SUCLG2: variants seen among roughly 807,000 people sequenced by gnomAD.
SUCLG2 encodes succinate-CoA ligase GDP-forming subunit beta.
SUCLG2 carries 42 observed loss-of-function variants against 47.9 expected under a neutral mutation model. That is an observed-to-expected ratio of 0.88 (90% CI 0.69 to 1.14). The LOEUF (loss-of-function observed/expected upper bound fraction) is 1.14, where lower values mean the gene tolerates loss of function less well. Among genes scored for constraint, SUCLG2 ranks in the 50% most tolerant of loss-of-function variants. The pLI, the probability that SUCLG2 is intolerant of heterozygous loss-of-function variation, is 0.00. For synonymous variants in SUCLG2, 195 were observed against 197.3 expected (o/e 0.99, Z 0.10); for missense variants, 571 against 525.9 (o/e 1.09, Z -0.84).
intron 2 of SUCLG2, among the ~76,000 whole-genome samples, chr3:67,565,435 A>G (rs922417443): frequency 6.6e-6 from 1 of 152,224 alleles, no homozygotes; most frequent in Non-Finnish European, 1.5e-5. Flanking sequence ...GTATAACCCA[A>G]TATTAGCTAT....
At chr3:67,606,771 A>T (rs945588474) in intron 2 of SUCLG2, among the ~76,000 whole-genome samples, 1 of 152,212 alleles carries the variant, frequency 6.6e-6, no homozygotes, top group African/African-American at 2.4e-5. Flanking sequence ...GAAAGTCACA[A>T]ATTAATTTCT....
chr3:67,423,432 T>C (rs1703221130), intron 9 of SUCLG2, among the ~76,000 whole-genome samples: 1 of 152,204 alleles, frequency 6.6e-6, no homozygotes, highest in African/African-American at 2.4e-5. Context: ...TTTATGCATT[T>C]CCATAAAATG....
intron 9 of SUCLG2, chr3:67,408,671 C>T: frequency 8.9e-7 from 1 of 1,124,962 alleles, no homozygotes; most frequent in Non-Finnish European, 1.1e-6. Flanking sequence ...AAATTCTTCA[C>T]TTTACTTATA....
At chr3:67,539,431 C>T (rs1174102137) in intron 2 of SUCLG2, among the ~76,000 whole-genome samples, 1 of 152,124 alleles carries the variant, frequency 6.6e-6, no homozygotes, top group African/African-American at 2.4e-5. Context: ...GGTGGATAAG[C>T]TTTTTGTTGT....
At chr3:67,555,074 A>C (rs1707122254) in intron 2 of SUCLG2, among the ~76,000 whole-genome samples, 1 of 152,182 alleles carries the variant, frequency 6.6e-6, no homozygotes, top group Non-Finnish European at 1.5e-5. Flanking sequence ...CAGAAGAGAC[A>C]GAACAGCTGG....
At chr3:67,644,269 T>C (rs983147267) in intron 1 of SUCLG2, among the ~76,000 whole-genome samples, 7 of 152,242 alleles carry the variant, frequency 4.6e-5, no homozygotes, top group Middle Eastern at 6.8e-3. Context: ...AAAAAAGATA[T>C]ATACACATAT....
intron 9 of SUCLG2, among the ~76,000 whole-genome samples, chr3:67,435,565 T>C (rs1021909412): frequency 2.0e-5 from 3 of 152,224 alleles, no homozygotes; most frequent in Admixed American, 2.0e-4. Flanking sequence ...GGGGAGAATG[T>C]ACATGCATCA....
rs1706432386 is a variant in SUCLG2, at chr3:67,532,535, T to C, written c.227-3349A>G. On this transcript the variant is annotated intron_variant, in intron 2 of 10. Transcript: ENST00000307227. ...CCAAAGTCTTTGCTCTTAATTGCTA[T>C]TTTTATACGCAGTAGCCTAAGTATG... 2.0e-5 allele frequency among the ~76,000 whole-genome samples: 3 copies of C among 152,230 alleles called. No homozygotes were observed. In the South Asian group the frequency reaches 6.2e-4, roughly 31 times the overall value.
In SUCLG2 at chr3:67,528,177, A is replaced by G; in HGVS notation, c.372T>C (p.Asn124=). Residue 124 remains asparagine, a synonymous_variant, in exon 4 of 11, where the codon AAT becomes AAC. Transcript: ENST00000307227. ...CTTTTGGAGTTTGTTTTGTCGCTAG[A>G]TTGTACCCAATCATCTGTTTAGCCA... ...GQLAKQMIGY[N]LATKQTPKEG... 4 of 1,613,934 alleles carry G rather than the reference A, an allele frequency of 2.5e-6. No individual in the cohort carries two copies. Among genetic ancestry groups the G allele is most frequent in the Non-Finnish European group, 3.4e-6 (4 of 1,179,890 alleles).
chr3:67,430,060 G>C (rs1018223569), intron 9 of SUCLG2, among the ~76,000 whole-genome samples: 1 of 152,080 alleles, frequency 6.6e-6, no homozygotes, highest in African/African-American at 2.4e-5. Context: ...AAGTTAACAA[G>C]GATACCCAGG....
intron 1 of SUCLG2, among the ~76,000 whole-genome samples, chr3:67,638,662 C>A (rs1701048212): frequency 6.6e-6 from 1 of 152,204 alleles, no homozygotes; most frequent in Non-Finnish European, 1.5e-5. Context: ...GCCTTTATAG[C>A]AAGCAGACAG....
chr3:67,494,488 T>C (rs943003733), intron 9 of SUCLG2, among the ~76,000 whole-genome samples: 1 of 152,070 alleles, frequency 6.6e-6, no homozygotes, highest in African/African-American at 2.4e-5. Flanking sequence ...TGGCCAGGCA[T>C]GGTGGCATGC....
At chr3:67,386,620 A>T (rs1471906659) in intron 10 of SUCLG2, among the ~76,000 whole-genome samples, 1 of 152,158 alleles carries the variant, frequency 6.6e-6, no homozygotes, top group Non-Finnish European at 1.5e-5. Flanking sequence ...TGTGTAGGGG[A>T]ATTCCCCTTT....
intron 2 of SUCLG2, among the ~76,000 whole-genome samples, chr3:67,569,107 C>A (rs1213291127): frequency 6.6e-6 from 1 of 152,150 alleles, no homozygotes; most frequent in Admixed American, 6.5e-5. Flanking sequence ...AATTATCAAG[C>A]TTACCAAAGC....
intron 9 of SUCLG2, among the ~76,000 whole-genome samples, chr3:67,474,575 T>C (rs1366476235): frequency 6.6e-6 from 1 of 152,202 alleles, no homozygotes; most frequent in Non-Finnish European, 1.5e-5. Context: ...ATTGCTTTCT[T>C]TCACATTTAG....
chr3:67,604,101 G>T (rs1050892129), intron 2 of SUCLG2, among the ~76,000 whole-genome samples: 2 of 152,138 alleles, frequency 1.3e-5, no homozygotes, highest in African/African-American at 2.4e-5. Flanking sequence ...CATTTTCTAT[G>T]CAAGAAAATG....
intron 9 of SUCLG2, among the ~76,000 whole-genome samples, chr3:67,422,151 G>A (rs796494542): frequency 2.0e-5 from 3 of 152,082 alleles, no homozygotes; most frequent in African/African-American, 7.2e-5. Flanking sequence ...GCTCTGATGA[G>A]CAATAAAGTA....
At chr3:67,390,274 T>C (rs17807531) in intron 10 of SUCLG2, among the ~76,000 whole-genome samples, 11,898 of 152,238 alleles carry the variant, frequency 0.078, 510 homozygotes, top group Admixed American at 0.12. Context: ...GTCTCTCTAA[T>C]ATGCAGCCCA....
chr3:67,364,830 C>T lies in SUCLG2; in HGVS notation c.1184-4062G>A, dbSNP rs569127633. Among the ~76,000 whole-genome samples, 3 of 152,254 alleles carry T rather than the reference C, an allele frequency of 2.0e-5. No homozygotes were observed. In the South Asian group the frequency reaches 6.2e-4, roughly 32 times the overall value. ...AAAAAAGGTGATCCATAGATGCCAA[C>T]ACGGAGATGACAGGAATGGCAGAAT... On this transcript the variant is annotated intron_variant, in intron 10 of 10. Transcript: ENST00000493112.
Sources: allele counts gnomAD v4.1 joint callset (sites outside exome capture counted in the v4.1 genomes callset), GRCh38; gene constraint gnomAD v4.1.1; transcripts MANE v1.5; gene names NCBI Gene and HGNC (gene_info 2026-07-23, HGNC 2026-07-21).